The following GPHN variants were observed in gnomAD, a reference collection of about 807,000 sequenced individuals.
GPHN encodes gephyrin.
In GPHN, 17 loss-of-function variants were observed where a neutral mutation model predicts 95.5. That is an observed-to-expected ratio of 0.18 (90% CI 0.12 to 0.27). The LOEUF is 0.27. GPHN is among the 10% of genes least tolerant of loss of function. The pLI is 1.00. For synonymous variants in GPHN, 320 were observed against 322.5 expected (o/e 0.99, Z 0.08); for missense variants, 660 against 978.1 (o/e 0.67, Z 4.34).
chr14:67,458,361 G>A, the GPHN span, among the ~76,000 whole-genome samples: 7 of 152,138 alleles, frequency 4.6e-5, no homozygotes, highest in South Asian at 2.1e-4. Context: ...TCTCTGGTTC[G>A]TTCAACAAAT....
At chr14:67,690,168 CT>C in the GPHN span, 8,812 of 1,560,862 alleles carry the variant, frequency 5.6e-3, 53 homozygotes, top group Non-Finnish European at 6.1e-3. Context: ...TTTTACCTGC[CT>C]CTCTCTGACT....
At chr14:67,201,304 CAAAT>C in the GPHN span, 26 of 348,670 alleles carry the variant, frequency 7.5e-5, no homozygotes, top group African/African-American at 4.9e-4. Flanking sequence ...TAAAAACAAA[CAAAT>C]AAATATTTTT....
At chr14:67,120,420 G>A (rs2153691266) in intron 16 of GPHN, among the ~76,000 whole-genome samples, 1 of 152,216 alleles carries the variant, frequency 6.6e-6, no homozygotes, top group East Asian at 1.9e-4. Flanking sequence ...AAAATACACT[G>A]TAAATCCCAC....
chr14:67,193,234 A>G, the GPHN span, among the ~76,000 whole-genome samples: 1 of 138,562 alleles, frequency 7.2e-6, no homozygotes, highest in Non-Finnish European at 1.6e-5. Flanking sequence ...ATATCTCTAT[A>G]TAGACATCTA....
chr14:67,453,848 G>A, the GPHN span, among the ~76,000 whole-genome samples: 3 of 152,360 alleles, frequency 2.0e-5, no homozygotes, highest in African/African-American at 7.2e-5. Context: ...GGCTGTGACT[G>A]TAGATCCTGG....
chr14:67,215,087 G>C, the GPHN span, among the ~76,000 whole-genome samples: 1 of 152,050 alleles, frequency 6.6e-6, no homozygotes, highest in African/African-American at 2.4e-5. Context: ...GGGGTTCCAA[G>C]TGATTCTAAT....
chr14:67,214,975 A>G, the GPHN span, among the ~76,000 whole-genome samples: 2 of 152,006 alleles, frequency 1.3e-5, no homozygotes, highest in Admixed American at 6.6e-5. Context: ...TTTGTCTGTT[A>G]TTGGTGTATA....
intron 4 of GPHN, among the ~76,000 whole-genome samples, chr14:66,862,793 C>T (rs964438371): frequency 6.6e-6 from 1 of 151,828 alleles, no homozygotes; most frequent in Non-Finnish European, 1.5e-5. Context: ...GATAAAAATC[C>T]TCAAAAAAAC....
intron 3 of GPHN, among the ~76,000 whole-genome samples, chr14:66,805,198 G>A (rs539880712): frequency 2.0e-5 from 3 of 152,306 alleles, no homozygotes; most frequent in South Asian, 4.1e-4. Context: ...GGGAGCTTAT[G>A]CAGGGAAACT....
the GPHN span, among the ~76,000 whole-genome samples, chr14:67,342,053 T>G: frequency 1.1e-3 from 170 of 152,140 alleles, no homozygotes; most frequent in South Asian, 2.5e-3. Context: ...ACTGCGGAAG[T>G]CTGCAGGGTC....
intron 10 of GPHN, among the ~76,000 whole-genome samples, chr14:67,057,120 G>T (rs1338940152): frequency 6.6e-6 from 1 of 152,180 alleles, no homozygotes; most frequent in Admixed American, 6.5e-5. Flanking sequence ...GCCCAGAGAG[G>T]GGTTCCCACA....
At chr14:66,676,707 G>A (rs925575226) in intron 1 of GPHN, among the ~76,000 whole-genome samples, 1 of 133,048 alleles carries the variant, frequency 7.5e-6, no homozygotes, top group Non-Finnish European at 1.5e-5. Context: ...TTTGGATTCA[G>A]ATTCCTAGTA....
chr14:66,562,430 T>C (rs1166248413), intron 1 of GPHN, among the ~76,000 whole-genome samples: 4 of 152,140 alleles, frequency 2.6e-5, no homozygotes, highest in Admixed American at 2.6e-4. Context: ...TTGTGCATTA[T>C]AAGTATATCC....
the GPHN span, chr14:67,347,570 C>G: frequency 1.2e-6 from 1 of 806,686 alleles, no homozygotes; most frequent in South Asian, 1.7e-5. Flanking sequence ...GGCGTGATCT[C>G]GCCTCACCGC....
chr14:67,408,182 A>G, the GPHN span, among the ~76,000 whole-genome samples: 1 of 151,950 alleles, frequency 6.6e-6, no homozygotes, highest in Non-Finnish European at 1.5e-5. Context: ...GCTACTCAGG[A>G]GGCTGAGGCA....
chr14:66,730,940 AG>A (rs2071710349), intron 2 of GPHN, among the ~76,000 whole-genome samples: 1 of 152,080 alleles, frequency 6.6e-6, no homozygotes, highest in Non-Finnish European at 1.5e-5. Context: ...CAAGGGATGG[AG>A]GTGATTGGAT....
chr14:67,602,483 T>C, the GPHN span, among the ~76,000 whole-genome samples: 2 of 152,248 alleles, frequency 1.3e-5, no homozygotes, highest in African/African-American at 4.8e-5. Flanking sequence ...GATATTTGCT[T>C]ATTGTGGAAA....
At chr14:67,169,231 G>C (rs2140059952) in intron 21 of GPHN, 195 bp downstream of exon 21, 1 of 603,890 alleles carries the variant, frequency 1.7e-6, no homozygotes, top group East Asian at 2.8e-5. Context: ...GACTTCTAAA[G>C]TGAATCATTT....
intron 5 of GPHN, among the ~76,000 whole-genome samples, chr14:66,898,032 G>C (rs144906130): frequency 6.6e-6 from 1 of 151,900 alleles, no homozygotes; most frequent in Admixed American, 6.6e-5. Context: ...CAGGTGTTTT[G>C]CCTATTGTCT....
Sources: gnomAD v4.1 joint callset for allele counts (sites outside exome capture counted in the v4.1 genomes callset) on GRCh38, gnomAD v4.1.1 for gene constraint, MANE v1.5 for transcripts, NCBI Gene and HGNC (gene_info 2026-07-23, HGNC 2026-07-21) for gene names.